Variants in FBXO34 observed in about 807,000 individuals in gnomAD.
FBXO34 encodes F-box only protein 34.
Under a neutral mutation model 24.5 loss-of-function variants are expected in FBXO34, and 12 were observed. The ratio of observed to expected loss-of-function variants is 0.49; its 90% CI spans 0.31 to 0.79. FBXO34 has a LOEUF of 0.79. Ranked by LOEUF, FBXO34 falls within the 30% of genes least tolerant of loss-of-function variation. The pLI is 0.04. For synonymous variants in FBXO34, 320 were observed against 311.9 expected (o/e 1.03, Z -0.27); for missense variants, 823 against 857.7 (o/e 0.96, Z 0.51).
the FBXO34 span, among the ~76,000 whole-genome samples, chr14:55,402,966 T>TATATATAAATAA: frequency 5.1e-5 from 3 of 59,074 alleles, no homozygotes; most frequent in Non-Finnish European, 9.9e-5. Flanking sequence ...TATATATATA[T>TATATATAAATAA]ATAAATAGCT....
intron 1 of FBXO34, among the ~76,000 whole-genome samples, chr14:55,276,639 G>A (rs1447588178): frequency 4.0e-5 from 6 of 149,444 alleles, no homozygotes; most frequent in South Asian, 4.2e-4. Context: ...TTGAGGAAGC[G>A]GGGGGGTCTA....
the FBXO34 span, chr14:55,397,324 G>A: frequency 1.3e-6 from 2 of 1,506,288 alleles, no homozygotes; most frequent in African/African-American, 1.4e-5. Flanking sequence ...TCAACCAAAT[G>A]TTGACTAGAT....
At chr14:55,439,217 G>A in the FBXO34 span, among the ~76,000 whole-genome samples, 2 of 150,890 alleles carry the variant, frequency 1.3e-5, no homozygotes, top group African/African-American at 4.9e-5. Context: ...GGGATTACAG[G>A]CGTGAGCCAC....
intron 1 of FBXO34, among the ~76,000 whole-genome samples, chr14:55,331,605 A>G (rs1037219368): frequency 7.0e-6 from 1 of 142,304 alleles, no homozygotes; most frequent in Non-Finnish European, 1.5e-5. Flanking sequence ...TATATATAAA[A>G]AAATATAAAA....
At chr14:55,390,921 T>C in the FBXO34 span, 2 of 1,595,036 alleles carry the variant, frequency 1.3e-6, no homozygotes, top group Non-Finnish European at 1.7e-6. Context: ...TTTTCTCCAT[T>C]TCTTCATTTC....
chr14:55,436,340 C>T, the FBXO34 span, among the ~76,000 whole-genome samples: 3 of 152,166 alleles, frequency 2.0e-5, no homozygotes, highest in Non-Finnish European at 4.4e-5. Context: ...ATCTATTAAT[C>T]TTTAAGTCCC....
rs1555337925 is a variant in FBXO34, at chr14:55,323,225, A to ATATATAT, written c.-10-27155_-10-27154insATATATT. 1.3e-3 allele frequency among the ~76,000 whole-genome samples: 25 copies of ATATATAT among 19,204 alleles called. 2 individuals carry two copies. Among genetic ancestry groups the ATATATAT allele is most frequent in the Admixed American group, 0.011 (15 of 1,340 alleles). 12.6% of individuals were successfully genotyped at this position (19,204 alleles called of 152,430 possible). On this transcript the variant is annotated intron_variant, in intron 1 of 1. Transcript: ENST00000313833. ...AAAAAAAAAAAAAAAAAAAATATATATTTTTTTTTTTTTTTTTTTTTTTAG... is the reference window on the plus strand; with the variant it reads ...AAAAAAAAAAAAAAAAAAAATATATATATATATTTTTTTTTTTTTTTTTTTTTTTTAG...
chr14:55,383,319 G>A, the FBXO34 span, among the ~76,000 whole-genome samples: 1 of 152,170 alleles, frequency 6.6e-6, no homozygotes, highest in Non-Finnish European at 1.5e-5. Flanking sequence ...GGAAGGCTGA[G>A]GCAGGCAGAT....
intron 1 of FBXO34, among the ~76,000 whole-genome samples, chr14:55,334,287 T>C (rs1379200391): frequency 1.3e-5 from 2 of 152,194 alleles, no homozygotes; most frequent in African/African-American, 4.8e-5. Context: ...AAACTTCCAG[T>C]TATGAGATGC....
the FBXO34 span, among the ~76,000 whole-genome samples, chr14:55,389,498 G>A: frequency 6.6e-6 from 1 of 152,152 alleles, no homozygotes; most frequent in South Asian, 2.1e-4. Flanking sequence ...TGTTTTCAAT[G>A]GAAGCTTTAC....
At chr14:55,419,458 TATTA>T in the FBXO34 span, among the ~76,000 whole-genome samples, 2 of 152,344 alleles carry the variant, frequency 1.3e-5, no homozygotes, top group East Asian at 3.9e-4. Flanking sequence ...CTAGCTATGC[TATTA>T]ATTTTACTGT....
Position 55,331,763 on chromosome 14 carries a change from A to G in FBXO34, c.-10-18618A>G, listed in dbSNP as rs182637933. Among the ~76,000 whole-genome samples, 396 of 74,726 alleles carry G rather than the reference A, an allele frequency of 5.3e-3. 125 individuals are homozygous for G. The highest frequency in any genetic ancestry group is 0.034 in the East Asian group (97 of 2,840). 49.0% of individuals were successfully genotyped at this position (74,726 alleles called of 152,430 possible). On this transcript the variant is annotated intron_variant, in intron 1 of 1. Transcript: ENST00000313833. ...TATGTGTGTATATATATATATATGT[A>G]TATATATATATATATACCACCATGG...
At chr14:55,355,224 T>C (rs1175250752), downstream of FBXO34, 3 of 152,314 alleles carry the variant, frequency 2.0e-5, no homozygotes, top group Admixed American at 1.3e-4. Context: ...GGGGCTCAGG[T>C]AAGAGTAACA....
the FBXO34 span, among the ~76,000 whole-genome samples, chr14:55,419,350 CAT>C: frequency 2.6e-5 from 4 of 152,240 alleles, no homozygotes; most frequent in African/African-American, 9.6e-5. Context: ...CAGTGTCTGT[CAT>C]ATGAGTGCCC....
At chr14:55,380,599 T>C in the FBXO34 span, 1 of 1,612,192 alleles carries the variant, frequency 6.2e-7, no homozygotes, top group East Asian at 2.2e-5. Context: ...TGGGAAGATT[T>C]ACATCAAGTA....
the FBXO34 span, chr14:55,436,537 A>G: frequency 1.2e-6 from 2 of 1,602,686 alleles, no homozygotes; most frequent in South Asian, 2.2e-5. Flanking sequence ...AATGTGCTCA[A>G]TTAAAACAAA....
the FBXO34 span, among the ~76,000 whole-genome samples, chr14:55,411,231 G>A: frequency 6.6e-6 from 1 of 152,154 alleles, no homozygotes; most frequent in Admixed American, 6.5e-5. Flanking sequence ...ATATGCTTTC[G>A]AAAATAGAAA....
the FBXO34 span, among the ~76,000 whole-genome samples, chr14:55,387,180 C>T: frequency 6.6e-6 from 1 of 152,158 alleles, no homozygotes; most frequent in Non-Finnish European, 1.5e-5. Context: ...TTCTCCACTG[C>T]CCATCAAATA....
chr14:55,427,603 G>A, the FBXO34 span, among the ~76,000 whole-genome samples: 1 of 152,152 alleles, frequency 6.6e-6, no homozygotes, highest in African/African-American at 2.4e-5. Context: ...CCCAGGCCAA[G>A]TGCCCTAGCC....
Sources: allele counts gnomAD v4.1 joint callset (sites outside exome capture counted in the v4.1 genomes callset), GRCh38; gene constraint gnomAD v4.1.1; transcripts MANE v1.5; gene names NCBI Gene and HGNC (gene_info 2026-07-23, HGNC 2026-07-21).